The following NCOA1 variants were observed in gnomAD, a reference collection of about 807,000 sequenced individuals.
NCOA1 encodes the protein Hin-2 protein.
In NCOA1, 35 loss-of-function variants were observed where a neutral mutation model predicts 150.9. That is an observed-to-expected ratio of 0.23 (90% confidence interval 0.18 to 0.31). The LOEUF (loss-of-function observed/expected upper bound fraction) is 0.31. Ranked by LOEUF, NCOA1 falls within the 10% of genes least tolerant of loss-of-function variation. The probability of loss-of-function intolerance (pLI) is 1.00; values close to 1 mark genes in which losing one functional copy is unlikely to be tolerated. For synonymous variants in NCOA1, 590 were observed against 630.0 expected, an observed-to-expected ratio of 0.94 and a Z score of 0.95; for missense variants, 1,491 against 1,749.3, an observed-to-expected ratio of 0.85 and a Z score of 2.63.
chr2:24,606,134 G>A (rs1350432884), intron 3 of NCOA1, among the ~76,000 whole-genome samples: 1 of 152,008 alleles, frequency 6.6e-6, no homozygotes, highest in African/African-American at 2.4e-5. Flanking sequence ...TGTTTTACCA[G>A]TAATGATTGA....
rs1296057694 is a variant in NCOA1 at position 24,491,268 on chromosome 2, C to T, written c.-730C>T. 2.1e-5 allele frequency among the ~76,000 whole-genome samples: 3 copies of T among 145,304 alleles called. No homozygotes were observed. The East Asian group carries it at 6.1e-4, about 30-fold the overall frequency. The stretch of plus-strand genomic sequence containing the variant: ...GCGGTGGCGGCGGCGGCGGTGGCGG[C>T]CGAGGAGGAGAACATGGCGGCCGCG... On this transcript the variant is annotated 5_prime_UTR_variant, in exon 1 of 23. Coordinates refer to ENST00000348332, the MANE Select transcript of NCOA1 (RefSeq NM_003743.5).
chr2:24,538,946 G>T (rs888887744), intron 1 of NCOA1, among the ~76,000 whole-genome samples: 1 of 152,214 alleles, frequency 6.6e-6, no homozygotes, highest in Non-Finnish European at 1.5e-5. Context: ...GACTAGTCAA[G>T]TAAGAGTTTA....
At chr2:24,529,950 CA>C (rs1664810635) in intron 1 of NCOA1, among the ~76,000 whole-genome samples, 2 of 152,108 alleles carry the variant, frequency 1.3e-5, no homozygotes, top group Non-Finnish European at 2.9e-5. Flanking sequence ...AAGTGGTTTT[CA>C]ATTTTTTTAA....
At chr2:24,561,626 G>GTTCC in intron 1 of NCOA1, among the ~76,000 whole-genome samples, 1 of 152,264 alleles carries the variant, frequency 6.6e-6, no homozygotes. Context: ...TAGTAGTATG[G>GTTCC]ATGTTCACTC....
Position 24,711,011 on chromosome 2 carries a change from A to G in NCOA1, c.2499A>G (p.Thr833=). ...CACAGTTGCCAGGCTTATGTGAGAC[A>G]GACAGGATGGATGGTGCGGTCACCA... ...KAAQLPGLCE[T]DRMDGAVTSV... The change falls in exon 14 of 23, where the codon ACA becomes ACG. Residue 833 remains threonine (T), a synonymous_variant. Transcript: ENST00000348332. 3.7e-6 allele frequency: 6 copies of G among 1,614,240 alleles called. No individual in the cohort carries two copies. The highest frequency in any genetic ancestry group is 5.1e-6 in the Non-Finnish European group (6 of 1,180,038).
chr2:24,502,467 A>G (rs888759911), intron 1 of NCOA1, among the ~76,000 whole-genome samples: 3 of 152,116 alleles, frequency 2.0e-5, no homozygotes, highest in African/African-American at 4.8e-5. Context: ...TTCCTTCTTC[A>G]TATGTCCCAA....
chr2:24,713,090 G>T (rs1473088204), intron 14 of NCOA1, among the ~76,000 whole-genome samples: 5 of 152,016 alleles, frequency 3.3e-5, no homozygotes, highest in Non-Finnish European at 5.9e-5. Context: ...AATTAGCTGG[G>T]CATGGTGGCA....
chr2:24,574,238 A>T (rs969618140), intron 2 of NCOA1, among the ~76,000 whole-genome samples: 2 of 152,122 alleles, frequency 1.3e-5, no homozygotes, highest in Non-Finnish European at 2.9e-5. Flanking sequence ...TTTATTTGAA[A>T]TGAATTATGG....
At chr2:24,760,996 C>T (rs1183505930) in intron 21 of NCOA1, among the ~76,000 whole-genome samples, 2 of 151,968 alleles carry the variant, frequency 1.3e-5, no homozygotes, top group African/African-American at 4.8e-5. Context: ...TACAGGGGTG[C>T]GCCACCACAC....
intron 2 of NCOA1, among the ~76,000 whole-genome samples, chr2:24,576,867 A>G (rs897338413): frequency 1.3e-5 from 2 of 152,118 alleles, no homozygotes; most frequent in Non-Finnish European, 2.9e-5. Flanking sequence ...TCGGGTACCT[A>G]CTGCAGTAGT....
intron 5 of NCOA1, among the ~76,000 whole-genome samples, chr2:24,662,701 C>A (rs1367279800): frequency 6.6e-6 from 1 of 151,982 alleles, no homozygotes; most frequent in Non-Finnish European, 1.5e-5. Flanking sequence ...ATAAGGAAAT[C>A]GAAGCTTAGA....
chr2:24,762,776 G>C lies in NCOA1; in HGVS notation c.4155G>C (p.Gln1385His). Residue 1385 changes from glutamine (Q) to histidine (H), a missense_variant and splice_region_variant, in exon 22 of 23, where the codon CAG becomes CAC. Physicochemically the swap from Gln to His is conservative, Grantham distance 24. Coordinates refer to ENST00000348332, the MANE Select transcript of NCOA1 (RefSeq NM_003743.5). ...DLLKTEADGT[Q>H]QVQQVQVFAD... ...TCAAAACAGAAGCAGATGGAACCCA[G>C]GTCAGTAAGGAAATTCTAAGCCCAG... 6.2e-7 allele frequency: 1 copy of C among 1,612,542 alleles called. No individual in the cohort carries two copies. Among genetic ancestry groups the C allele is most frequent in the Non-Finnish European group, 8.5e-7 (1 of 1,178,704 alleles).
rs549640691 is a variant in NCOA1 at position 24,616,393 on chromosome 2, C to T, written c.-174-27573C>T. 6.6e-5 allele frequency among the ~76,000 whole-genome samples: 10 copies of T among 152,072 alleles called. No homozygotes were observed. In the East Asian group the frequency reaches 1.9e-3, roughly 29 times the overall value. ...TCTTTCCATCTTTCTCCAATGTTCC[C>T]AATAAAATAGCATATTAAAAATGCA... On this transcript the variant is annotated intron_variant, in intron 3 of 22. Coordinates refer to ENST00000348332, the MANE Select transcript of NCOA1 (RefSeq NM_003743.5).
intron 3 of NCOA1, among the ~76,000 whole-genome samples, chr2:24,619,559 A>G (rs1394238763): frequency 6.6e-6 from 1 of 152,198 alleles, no homozygotes; most frequent in Non-Finnish European, 1.5e-5. Context: ...AGGGGTCCAG[A>G]CCCAGAGCCT....
At chr2:24,687,721 G>A (rs1672473322) in intron 8 of NCOA1, among the ~76,000 whole-genome samples, 1 of 152,048 alleles carries the variant, frequency 6.6e-6, no homozygotes, top group South Asian at 2.1e-4. Flanking sequence ...CAGCATGGGG[G>A]GAGCTGCCCC....
At chr2:24,559,190 A>G (rs1197205885) in intron 1 of NCOA1, among the ~76,000 whole-genome samples, 1 of 152,018 alleles carries the variant, frequency 6.6e-6, no homozygotes, top group African/African-American at 2.4e-5. Flanking sequence ...AAAGGACGAG[A>G]CTAAGGTGAT....
rs370902604 is a variant in NCOA1 at position 24,516,975 on chromosome 2, C to CTTGT, written c.-396+25373_-396+25374insTTGT. Among the ~76,000 whole-genome samples the CTTGT allele has an allele frequency of 4.0e-4, 9 of 22,624 alleles. 1 individual carries two copies. Among genetic ancestry groups the CTTGT allele is most frequent in the Admixed American group, 2.5e-3 (3 of 1,210 alleles). The allele number at this position is 22,624 out of a possible 152,430, so 14.8% of individuals were successfully genotyped here. ...ATACAAGTATATATACGTATATATA[C>CTTGT]ACATATACGTATATATATACACACG... On this transcript the variant is annotated intron_variant, in intron 1 of 22. Coordinates refer to ENST00000348332, the MANE Select transcript of NCOA1 (RefSeq NM_003743.5).
rs775997969 is a variant in NCOA1, at chr2:24,658,729, A to G, written c.52A>G (p.Lys18Glu). 1 of 1,614,104 alleles carries G rather than the reference A, an allele frequency of 6.2e-7. No individual in the cohort carries two copies. The highest frequency in any genetic ancestry group is 1.1e-5 in the South Asian group (1 of 91,082). ...CGACCCTGCTAACCCAGACTCACATAAGAGGAAAGGATCGCCATGTGACAC... is the reference window on the plus strand; with the variant it reads ...CGACCCTGCTAACCCAGACTCACATGAGAGGAAAGGATCGCCATGTGACAC... ...SSDPANPDSH[K>E]RKGSPCDTLA... The change falls in exon 5 of 23, where the codon AAG (lysine) becomes GAG (glutamate). Residue 18 changes from lysine to glutamate, a missense_variant. Lys to Glu is a moderately conservative substitution (Grantham distance 56). Coordinates refer to ENST00000348332, the MANE Select transcript of NCOA1 (RefSeq NM_003743.5).
chr2:24,571,934 T>C (rs1321290305), intron 2 of NCOA1, among the ~76,000 whole-genome samples: 3 of 152,186 alleles, frequency 2.0e-5, no homozygotes, highest in Non-Finnish European at 4.4e-5. Context: ...CTTGATTTTA[T>C]TGGTATTACT....
Sources: allele counts gnomAD v4.1 joint callset (sites outside exome capture counted in the v4.1 genomes callset), GRCh38; gene constraint gnomAD v4.1.1; transcripts MANE v1.5; gene names NCBI Gene and HGNC (gene_info 2026-07-23, HGNC 2026-07-21).